CREB5: variants seen among roughly 807,000 people sequenced by gnomAD.
CREB5 encodes cAMP responsive element binding protein 5, also known as cyclic AMP-responsive element-binding protein 5.
CREB5 carries 19 observed loss-of-function variants against 57.1 expected under a neutral mutation model. The ratio of observed to expected loss-of-function variants is 0.33; its 90% CI spans 0.23 to 0.49. The LOEUF is 0.49. CREB5 is among the 20% of genes least tolerant of loss of function. The pLI, the probability that CREB5 is intolerant of heterozygous loss-of-function variation, is 0.99. For missense variants in CREB5, 579 were observed against 671.6 expected (o/e 0.86, Z 1.52); for synonymous variants, 238 against 238.3 (o/e 1.00, Z 0.01).
chr7:28,611,813 A>G (rs952090390), intron 5 of CREB5, among the ~76,000 whole-genome samples: 1 of 152,098 alleles, frequency 6.6e-6, no homozygotes, highest in African/African-American at 2.4e-5. Context: ...TCATGGTTGC[A>G]GTGGTTGTTA....
chr7:28,733,693 G>A (rs556584940), intron 7 of CREB5, among the ~76,000 whole-genome samples: 8 of 152,166 alleles, frequency 5.3e-5, no homozygotes, highest in Non-Finnish European at 7.4e-5. Flanking sequence ...CTGCCTCGCC[G>A]CCAGCCTGCA....
At chr7:28,603,980 G>C (rs1797022694) in intron 5 of CREB5, among the ~76,000 whole-genome samples, 1 of 152,156 alleles carries the variant, frequency 6.6e-6, no homozygotes, top group South Asian at 2.1e-4. Flanking sequence ...ATAGTATTTA[G>C]CAGGATGGGG....
intron 1 of CREB5, among the ~76,000 whole-genome samples, chr7:28,444,085 G>A (rs542705960): frequency 2.0e-5 from 3 of 152,190 alleles, no homozygotes; most frequent in East Asian, 3.9e-4. Flanking sequence ...AACTCAGAAG[G>A]TTCCTTTTCC....
At chr7:28,410,046 C>G, upstream of CREB5, 1 of 439,078 alleles carries the variant, frequency 2.3e-6, no homozygotes, top group Non-Finnish European at 4.6e-6. Flanking sequence ...GCGGCGAGGA[C>G]GCCGGGTCAC....
chr7:28,812,956 C>T (rs1809211233), intron 9 of CREB5, among the ~76,000 whole-genome samples: 1 of 152,206 alleles, frequency 6.6e-6, no homozygotes, highest in Non-Finnish European at 1.5e-5. Context: ...TAGGCTGCAG[C>T]ATTTCAGATT....
intron 4 of CREB5, among the ~76,000 whole-genome samples, chr7:28,556,297 T>C (rs1794871457): frequency 6.6e-6 from 1 of 152,196 alleles, no homozygotes; most frequent in Admixed American, 6.5e-5. Flanking sequence ...CCAGGAGGAA[T>C]GTAGACAGAT....
chr7:28,590,256 C>T (rs957022843), intron 5 of CREB5, among the ~76,000 whole-genome samples: 1 of 151,984 alleles, frequency 6.6e-6, no homozygotes, highest in African/African-American at 2.4e-5. Flanking sequence ...CTATTCACAA[C>T]AGCAAAGACT....
At chr7:28,702,361 G>C (rs1270749043) in intron 5 of CREB5, among the ~76,000 whole-genome samples, 1 of 152,144 alleles carries the variant, frequency 6.6e-6, no homozygotes, top group Non-Finnish European at 1.5e-5. Flanking sequence ...TATAAGCCTT[G>C]GAAAGAAAAC....
intron 4 of CREB5, among the ~76,000 whole-genome samples, chr7:28,539,218 G>A (rs1476338482): frequency 6.6e-6 from 1 of 152,262 alleles, no homozygotes; most frequent in East Asian, 1.9e-4. Context: ...TTTCAGAATG[G>A]TACCTGGCAC....
chr7:28,551,680 G>T (rs569190804), intron 4 of CREB5, among the ~76,000 whole-genome samples: 8 of 152,222 alleles, frequency 5.3e-5, no homozygotes, highest in Admixed American at 2.6e-4. Context: ...CCTGACCAAG[G>T]TTGCTTGGTG....
At chr7:28,336,430 G>T (rs924095222) in intron 1 of CREB5, among the ~76,000 whole-genome samples, 1 of 151,934 alleles carries the variant, frequency 6.6e-6, no homozygotes, top group African/African-American at 2.4e-5. Context: ...TTGGTAGGTT[G>T]TATGTGTGTA....
chr7:28,749,970 T>A (rs1160037839), intron 7 of CREB5, among the ~76,000 whole-genome samples: 1 of 152,150 alleles, frequency 6.6e-6, no homozygotes, highest in Admixed American at 6.5e-5. Context: ...GCTCACTATA[T>A]CTTTTCTAGA....
At chr7:28,429,685 A>C (rs1788640364) in intron 1 of CREB5, among the ~76,000 whole-genome samples, 1 of 152,220 alleles carries the variant, frequency 6.6e-6, no homozygotes, top group Admixed American at 6.5e-5. Context: ...TTTAAGGCTT[A>C]TATAAACTTC....
At chr7:28,656,923 T>TGAGAGGACAC (rs1156999765) in intron 5 of CREB5, among the ~76,000 whole-genome samples, 2 of 152,208 alleles carry the variant, frequency 1.3e-5, no homozygotes, top group African/African-American at 2.4e-5. Context: ...CAGTGTCCTC[T>TGAGAGGACAC]TGTTTTAGAA....
chr7:28,361,174 G>A (rs1364065119), intron 1 of CREB5, among the ~76,000 whole-genome samples: 2 of 152,122 alleles, frequency 1.3e-5, no homozygotes, highest in Admixed American at 6.5e-5. Context: ...CTTATTGCAC[G>A]GAGGTTGAAT....
At chr7:28,403,416 T>C (rs1408273807) in intron 1 of CREB5, among the ~76,000 whole-genome samples, 1 of 152,216 alleles carries the variant, frequency 6.6e-6, no homozygotes, top group Admixed American at 6.5e-5. Context: ...TTACAGGGCA[T>C]AATAATATCT....
chr7:28,390,280 A>G (rs1787190817), intron 1 of CREB5, among the ~76,000 whole-genome samples: 1 of 152,202 alleles, frequency 6.6e-6, no homozygotes, highest in African/African-American at 2.4e-5. Flanking sequence ...GTGAAAGCTC[A>G]TGTAGATAGT....
intron 5 of CREB5, among the ~76,000 whole-genome samples, chr7:28,672,408 G>T (rs1280516711): frequency 6.6e-6 from 1 of 151,834 alleles, no homozygotes; most frequent in Non-Finnish European, 1.5e-5. Context: ...CTTTTTATCT[G>T]CTTCTAAGAA....
chr7:28,389,469 T>C (rs1787171472), intron 1 of CREB5, among the ~76,000 whole-genome samples: 1 of 152,130 alleles, frequency 6.6e-6, no homozygotes, highest in Admixed American at 6.6e-5. Context: ...CAAATCTCCA[T>C]GTAAAATGGA....
Sources: gnomAD v4.1 joint callset for allele counts (sites outside exome capture counted in the v4.1 genomes callset) on GRCh38, gnomAD v4.1.1 for gene constraint, MANE v1.5 for transcripts, NCBI Gene and HGNC (gene_info 2026-07-23, HGNC 2026-07-21) for gene names.